RAB38: variants seen among roughly 807,000 people sequenced by gnomAD.
The protein encoded by RAB38 is ras-related protein Rab-38.
Under a neutral mutation model 18.4 loss-of-function variants are expected in RAB38, and 15 were observed. That is an observed-to-expected ratio of 0.82 (90% CI 0.55 to 1.26). The LOEUF (loss-of-function observed/expected upper bound fraction) is 1.26. Ranked by LOEUF, RAB38 falls within the 50% of genes most tolerant of loss-of-function variation. RAB38 has a pLI of 0.00. For synonymous variants in RAB38, 101 were observed against 104.4 expected (o/e 0.97, Z 0.20); for missense variants, 294 against 267.4 (o/e 1.10, Z -0.69).
chr11:87,951,816 G>C, the RAB38 span, among the ~76,000 whole-genome samples: 14 of 152,260 alleles, frequency 9.2e-5, no homozygotes, highest in East Asian at 2.7e-3. Flanking sequence ...TACTGGGGGG[G>C]TGCCTCCCAG....
At chr11:87,937,870 GTT>G in the RAB38 span, among the ~76,000 whole-genome samples, 14,951 of 90,632 alleles carry the variant, frequency 0.16, 629 homozygotes, top group African/African-American at 0.27. Flanking sequence ...TCATTGAAGT[GTT>G]TTTTTTTTTT....
chr11:88,127,856 C>T (rs924901671), intron 2 of RAB38, among the ~76,000 whole-genome samples: 2 of 152,172 alleles, frequency 1.3e-5, no homozygotes, highest in African/African-American at 4.8e-5. Flanking sequence ...TGGTCACACA[C>T]ATGTACAATT....
the RAB38 span, among the ~76,000 whole-genome samples, chr11:87,809,909 A>C: frequency 2.0e-5 from 3 of 150,706 alleles, no homozygotes; most frequent in Non-Finnish European, 3.0e-5. Context: ...ATCCAGTTTC[A>C]AAATATTATA....
chr11:87,871,940 A>G, the RAB38 span, among the ~76,000 whole-genome samples: 2 of 151,610 alleles, frequency 1.3e-5, no homozygotes, highest in Non-Finnish European at 3.0e-5. Flanking sequence ...GACTATTACA[A>G]ATAATGCTAC....
the RAB38 span, among the ~76,000 whole-genome samples, chr11:88,083,693 T>G: frequency 6.6e-6 from 1 of 151,890 alleles, no homozygotes; most frequent in Non-Finnish European, 1.5e-5. Flanking sequence ...GACTAATGCC[T>G]TCTAAAAGGG....
chr11:88,155,931 A>T (rs977065982), intron 1 of RAB38, among the ~76,000 whole-genome samples: 5 of 152,254 alleles, frequency 3.3e-5, no homozygotes, highest in Non-Finnish European at 7.3e-5. Context: ...ACCATTTCAG[A>T]GCTTAAGAAC....
At chr11:88,112,211 A>G (rs942857601), downstream of RAB38, among the ~76,000 whole-genome samples, 3 of 152,186 alleles carry the variant, frequency 2.0e-5, no homozygotes, top group African/African-American at 7.2e-5. Context: ...AGTTCATTTG[A>G]TAAATAATCC....
chr11:88,044,976 C>A, the RAB38 span, among the ~76,000 whole-genome samples: 2 of 152,174 alleles, frequency 1.3e-5, no homozygotes, highest in Non-Finnish European at 2.9e-5. Flanking sequence ...CCAGCAATTT[C>A]CTCTTAAAAA....
chr11:87,837,507 A>G, the RAB38 span, among the ~76,000 whole-genome samples: 1 of 152,298 alleles, frequency 6.6e-6, no homozygotes, highest in East Asian at 1.9e-4. Context: ...ATTAAGCAAA[A>G]GATTAGAGAG....
chr11:87,864,096 G>T, the RAB38 span, among the ~76,000 whole-genome samples: 1 of 151,580 alleles, frequency 6.6e-6, no homozygotes, highest in South Asian at 2.1e-4. Flanking sequence ...AGTAACTCTT[G>T]CTCCAAAGAT....
At chr11:88,047,807 T>A in the RAB38 span, among the ~76,000 whole-genome samples, 1 of 152,146 alleles carries the variant, frequency 6.6e-6, no homozygotes, top group Admixed American at 6.5e-5. Flanking sequence ...ACTTTCAGTT[T>A]TTTTCCTTCT....
At chr11:87,944,701 G>T in the RAB38 span, among the ~76,000 whole-genome samples, 67 of 152,234 alleles carry the variant, frequency 4.4e-4, no homozygotes, top group Non-Finnish European at 8.4e-4. Flanking sequence ...GAAATGGAGG[G>T]TGGTGGATAT....
the RAB38 span, among the ~76,000 whole-genome samples, chr11:87,892,028 G>A: frequency 6.6e-6 from 1 of 151,694 alleles, no homozygotes; most frequent in East Asian, 2.0e-4. Context: ...TTTTATCCCT[G>A]GTACCTAGCA....
the RAB38 span, among the ~76,000 whole-genome samples, chr11:87,844,849 A>G: frequency 6.6e-6 from 1 of 152,186 alleles, no homozygotes; most frequent in Non-Finnish European, 1.5e-5. Flanking sequence ...CAGGCCTACA[A>G]GACTGAACTG....
the RAB38 span, among the ~76,000 whole-genome samples, chr11:87,954,495 C>G: frequency 6.6e-6 from 1 of 151,690 alleles, no homozygotes; most frequent in Non-Finnish European, 1.5e-5. Flanking sequence ...TCTACATATT[C>G]AAGTCTCAAT....
At chr11:87,896,979 T>A in the RAB38 span, among the ~76,000 whole-genome samples, 3 of 151,700 alleles carry the variant, frequency 2.0e-5, no homozygotes, top group Non-Finnish European at 4.4e-5. Flanking sequence ...AGATTCCTTA[T>A]ACATTTTTCA....
chr11:88,152,911 A>G (rs574944589), intron 1 of RAB38, among the ~76,000 whole-genome samples: 1 of 152,386 alleles, frequency 6.6e-6, no homozygotes, highest in South Asian at 2.1e-4. Context: ...AAGTTTTGTC[A>G]CACTGGATTA....
the RAB38 span, among the ~76,000 whole-genome samples, chr11:87,948,316 A>C: frequency 6.6e-6 from 1 of 152,190 alleles, no homozygotes; most frequent in East Asian, 1.9e-4. Context: ...GGGGTTTTCT[A>C]GATATACAAC....
chr11:87,957,640 T>G, the RAB38 span, among the ~76,000 whole-genome samples: 1 of 152,160 alleles, frequency 6.6e-6, no homozygotes, highest in African/African-American at 2.4e-5. Context: ...GCAGGAACTC[T>G]AGAACAAGAC....
Sources: gnomAD v4.1 joint callset for allele counts (sites outside exome capture counted in the v4.1 genomes callset) on GRCh38, gnomAD v4.1.1 for gene constraint, MANE v1.5 for transcripts, NCBI Gene and HGNC (gene_info 2026-07-23, HGNC 2026-07-21) for gene names.